The following KLF17 variants were observed in gnomAD, a reference collection of about 807,000 sequenced individuals.
The protein encoded by KLF17 is Krueppel-like factor 17.
A neutral mutation model predicts 34.2 loss-of-function variants in KLF17; 31 were observed. The ratio of observed to expected loss-of-function variants is 0.91; its 90% confidence interval spans 0.68 to 1.22. The LOEUF (loss-of-function observed/expected upper bound fraction) is 1.22, where lower values mean the gene tolerates loss of function less well. Ranked by LOEUF, KLF17 falls within the 50% of genes most tolerant of loss-of-function variation. The pLI, the probability that KLF17 is intolerant of heterozygous loss-of-function variation, is 0.00. For missense variants in KLF17, 478 were observed against 505.2 expected, an observed-to-expected ratio of 0.95 and a Z score of 0.52; for synonymous variants, 179 against 186.7, an observed-to-expected ratio of 0.96 and a Z score of 0.34.
At chr1:44,059,940 C>T in the KLF17 span, among the ~76,000 whole-genome samples, 1 of 152,066 alleles carries the variant, frequency 6.6e-6, no homozygotes, top group Non-Finnish European at 1.5e-5. Flanking sequence ...GAGCACTGTT[C>T]CTTCTGGAAA....
the KLF17 span, among the ~76,000 whole-genome samples, chr1:44,087,747 TATATATATATATATATATATATAC>T: frequency 7.7e-4 from 59 of 76,666 alleles, no homozygotes; most frequent in African/African-American, 2.1e-3. Context: ...TATATATATA[TATATATATATATATATATATATAC>T]ACACACACAC....
Position 44,130,527 on chromosome 1 carries a change from C to T in KLF17, c.941C>T (p.Ser314Phe). 1 of 1,614,170 alleles carries T rather than the reference C, an allele frequency of 6.2e-7. No individual in the cohort carries two copies. Among genetic ancestry groups the T allele is most frequent in the East Asian group, 2.2e-5 (1 of 44,880 alleles). ...QRKHTGERPYSCNWESCSWSF... is the reference protein window; with the variant it reads ...QRKHTGERPYFCNWESCSWSF... ...TCATTCCCAGGTGAGAGGCCATATT[C>T]TTGCAACTGGGAAAGTTGTTCATGG... The change falls in exon 3 of 4, where the codon TCT becomes TTT. Residue 314 changes from serine to phenylalanine, a missense_variant. By Grantham distance (155) the Ser-to-Phe change is radical (BLOSUM62 -2). Coordinates refer to ENST00000372299, the MANE Select transcript of KLF17 (RefSeq NM_173484.4).
At chr1:44,111,281 CCA>C in the KLF17 span, among the ~76,000 whole-genome samples, 1 of 152,110 alleles carries the variant, frequency 6.6e-6, no homozygotes, top group Non-Finnish European at 1.5e-5. Context: ...CAGGCTTAAG[CCA>C]CCATGCCCGG....
chr1:44,044,366 A>G, the KLF17 span, among the ~76,000 whole-genome samples: 1 of 152,174 alleles, frequency 6.6e-6, no homozygotes, highest in South Asian at 2.1e-4. Context: ...GGTTTGAGGG[A>G]CATGGGGTTA....
rs1313040254 is a variant in KLF17, at chr1:44,129,371, C to T, written c.100C>T (p.Pro34Ser). ...CCCCAAGGATAACGAGAACTCAGCG[C>T]CCATCTTGAACATGTCTTCATCTTC... Reference protein sequence around the residue: ...QAAQDNENSAPILNMSSSSGS... With the variant: ...QAAQDNENSASILNMSSSSGS... The change falls in exon 2 of 4, where the codon CCC becomes TCC. Residue 34 changes from proline to serine, a missense_variant. Pro to Ser is a moderately conservative substitution (Grantham distance 74, BLOSUM62 -1). Coordinates refer to ENST00000372299, the MANE Select transcript of KLF17 (RefSeq NM_173484.4). The T allele has an allele frequency of 1.3e-6, 2 of 1,515,066 alleles. No homozygotes were observed. Among genetic ancestry groups the T allele is most frequent in the Non-Finnish European group, 1.8e-6 (2 of 1,132,126 alleles). The allele number at this position is 1,515,066 out of a possible 1,614,324, so 93.9% of individuals were successfully genotyped here. A position where few individuals can be genotyped will look rare whatever the true frequency, so the allele number is the denominator to read the frequency against.
chr1:44,072,598 G>A, the KLF17 span, among the ~76,000 whole-genome samples: 1 of 152,204 alleles, frequency 6.6e-6, no homozygotes, highest in Non-Finnish European at 1.5e-5. Context: ...CCACTGGGGA[G>A]GCTGAGGCAA....
chr1:44,075,644 T>A, the KLF17 span, among the ~76,000 whole-genome samples: 13,028 of 152,240 alleles, frequency 0.086, 570 homozygotes, highest in African/African-American at 0.11. Flanking sequence ...AACAATCCTC[T>A]GAGAATCCTA....
the KLF17 span, among the ~76,000 whole-genome samples, chr1:44,077,436 T>C: frequency 2.0e-5 from 3 of 152,294 alleles, no homozygotes; most frequent in East Asian, 5.8e-4. Flanking sequence ...CAAAACTCGG[T>C]GGCATAAAAC....
At chr1:44,100,783 TAGCTGG>T in the KLF17 span, among the ~76,000 whole-genome samples, 1 of 152,002 alleles carries the variant, frequency 6.6e-6, no homozygotes, top group Non-Finnish European at 1.5e-5. Context: ...AGCCTCCAAG[TAGCTGG>T]GATTACAGGT....
intron 3 of KLF17, 90 bp from the exon 4 acceptor site, chr1:44,133,148 G>GTCA (rs2088131830): frequency 6.6e-6 from 1 of 152,352 alleles, no homozygotes; most frequent in Admixed American, 6.5e-5. Flanking sequence ...TAATGGAAGG[G>GTCA]TCAGAAAGGC....
chr1:44,123,765 T>G (rs1177161035), intron 1 of KLF17, among the ~76,000 whole-genome samples: 2 of 152,174 alleles, frequency 1.3e-5, no homozygotes, highest in Admixed American at 6.5e-5. Context: ...GTTTTCATTT[T>G]TATTGGTCTC....
At chr1:44,044,513 G>C in the KLF17 span, 1 of 152,296 alleles carries the variant, frequency 6.6e-6, no homozygotes, top group Non-Finnish European at 1.5e-5. Context: ...ACCCTGGAAT[G>C]TGTGGCTGTG....
At chr1:44,061,630 G>T in the KLF17 span, among the ~76,000 whole-genome samples, 1 of 152,120 alleles carries the variant, frequency 6.6e-6, no homozygotes, top group African/African-American at 2.4e-5. Flanking sequence ...ATTAAAAATG[G>T]GTATAGGCTG....
chr1:44,120,068 T>A (rs1447670838), intron 1 of KLF17, among the ~76,000 whole-genome samples: 2 of 152,192 alleles, frequency 1.3e-5, no homozygotes, highest in South Asian at 2.1e-4. Context: ...GAGGGAGACA[T>A]CTAGAGTAAC....
chr1:44,076,997 A>G, the KLF17 span, among the ~76,000 whole-genome samples: 3 of 149,584 alleles, frequency 2.0e-5, no homozygotes, highest in Non-Finnish European at 4.4e-5. Flanking sequence ...AGCCTCCCAA[A>G]GTGCTGGGAT....
Position 44,130,195 on chromosome 1 carries a change from A to C in KLF17, c.924A>C (p.Thr308=), listed in dbSNP as rs769831843. Residue 308 remains threonine, a splice_region_variant and synonymous_variant, in exon 2 of 4, where the codon ACA becomes ACC. Transcript: ENST00000372299. ...SHLVSHQRKH[T]GERPYSCNWE... is the part of the protein sequence containing the mutation. ...TCGTGAGCCACCAGCGCAAGCACAC[A>C]GGTGAAGGAGGTGTCAGGTGGGGTG... 85 of 1,603,594 alleles carry C rather than the reference A, an allele frequency of 5.3e-5. No individual in the cohort carries two copies. Among genetic ancestry groups the C allele is most frequent in the Non-Finnish European group, 6.9e-5 (81 of 1,174,310 alleles).
chr1:44,091,091 A>C, the KLF17 span, among the ~76,000 whole-genome samples: 1 of 152,200 alleles, frequency 6.6e-6, no homozygotes, highest in African/African-American at 2.4e-5. Context: ...ATCAACATTT[A>C]CTATATTCAA....
chr1:44,099,919 AAAGAAAGGG>A, the KLF17 span, among the ~76,000 whole-genome samples: 7 of 87,776 alleles, frequency 8.0e-5, no homozygotes, highest in East Asian at 1.4e-3. Context: ...GAAAGAAAGA[AAAGAAAGGG>A]AGGGAGGGAG....
intron 3 of KLF17, among the ~76,000 whole-genome samples, chr1:44,132,192 G>C (rs900833527): frequency 6.6e-6 from 1 of 152,128 alleles, no homozygotes; most frequent in African/African-American, 2.4e-5. Flanking sequence ...TGTAGTCCCA[G>C]TTATTCGAGA....
Sources: gnomAD v4.1 joint callset for allele counts (sites outside exome capture counted in the v4.1 genomes callset) on GRCh38, gnomAD v4.1.1 for gene constraint, MANE v1.5 for transcripts, NCBI Gene and HGNC (gene_info 2026-07-23, HGNC 2026-07-21) for gene names.